NRXN1: variants seen among roughly 807,000 people sequenced by gnomAD.
The protein encoded by NRXN1 is neurexin 1.
In NRXN1, 39 loss-of-function variants were observed where a neutral mutation model predicts 150.9. The observed-to-expected ratio is 0.26, with a 90% CI of 0.20 to 0.34. The LOEUF (loss-of-function observed/expected upper bound fraction) is 0.34. Ranked by LOEUF, NRXN1 falls within the 10% of genes least tolerant of loss-of-function variation. NRXN1 has a pLI of 1.00. For synonymous variants in NRXN1, 924 were observed against 757.0 expected, an observed-to-expected ratio of 1.22 and a Z score of -3.62; for missense variants, 1,815 against 1,949.9, an observed-to-expected ratio of 0.93 and a Z score of 1.30.
chr2:50,850,339 G>T (rs1464547844), intron 5 of NRXN1, among the ~76,000 whole-genome samples: 1 of 152,066 alleles, frequency 6.6e-6, no homozygotes, highest in Admixed American at 6.6e-5. Context: ...GTGCTGAGTG[G>T]CTAGGAAACA....
At chr2:50,977,193 A>G (rs1695979995) in intron 2 of NRXN1, among the ~76,000 whole-genome samples, 1 of 152,014 alleles carries the variant, frequency 6.6e-6, no homozygotes, top group African/African-American at 2.4e-5. Context: ...AAGGAAAGAG[A>G]AAGAAAATTT....
chr2:50,869,653 T>A lies in NRXN1; in HGVS notation c.832+52216A>T, dbSNP rs146398922. Among the ~76,000 whole-genome samples the A allele has an allele frequency of 2.2e-3, 329 of 151,588 alleles. 3 individuals are homozygous for A. Among genetic ancestry groups the A allele is most frequent in the African/African-American group, 7.6e-3 (315 of 41,446 alleles). Reference sequence around the variant, plus strand: ...CTACTGATGACACACAGCCTAGAGGTTCTATATTAATGAAAATTAACTTTA... The same window carrying A: ...CTACTGATGACACACAGCCTAGAGGATCTATATTAATGAAAATTAACTTTA... On this transcript the variant is annotated intron_variant, in intron 5 of 22. Transcript: ENST00000401669.
At chr2:50,429,371 C>G (rs2084763414) in intron 17 of NRXN1, among the ~76,000 whole-genome samples, 1 of 152,138 alleles carries the variant, frequency 6.6e-6, no homozygotes, top group Non-Finnish European at 1.5e-5. Flanking sequence ...ATTCTTGTGC[C>G]TCAGCCTCCC....
intron 5 of NRXN1, among the ~76,000 whole-genome samples, chr2:50,638,387 G>A (rs1683545572): frequency 6.6e-6 from 1 of 152,020 alleles, no homozygotes; most frequent in Non-Finnish European, 1.5e-5. Context: ...TATTCTCCAT[G>A]AAAATAATTC....
chr2:50,582,624 C>A (rs1363667703), intron 8 of NRXN1, among the ~76,000 whole-genome samples: 1 of 150,634 alleles, frequency 6.6e-6, no homozygotes, highest in Non-Finnish European at 1.5e-5. Flanking sequence ...ACATAGGCTA[C>A]GTAGCATCTC....
intron 21 of NRXN1, among the ~76,000 whole-genome samples, chr2:50,000,319 C>T (rs1230120986): frequency 6.6e-6 from 1 of 152,138 alleles, no homozygotes; most frequent in African/African-American, 2.4e-5. Flanking sequence ...TTCCATTAAA[C>T]ATTTGTGTAA....
intron 17 of NRXN1, among the ~76,000 whole-genome samples, chr2:50,278,255 T>TTA (rs1553368390): frequency 8.9e-6 from 1 of 112,572 alleles, no homozygotes; most frequent in African/African-American, 3.6e-5. Context: ...TATATATATA[T>TTA]TATATATATT....
At chr2:50,990,870 C>G (rs1028720594) in intron 2 of NRXN1, among the ~76,000 whole-genome samples, 2 of 151,914 alleles carry the variant, frequency 1.3e-5, no homozygotes, top group African/African-American at 4.8e-5. Flanking sequence ...CAAATCTTAG[C>G]CTTCCTCTCT....
intron 21 of NRXN1, among the ~76,000 whole-genome samples, chr2:50,024,927 T>A (rs1376469022): frequency 6.6e-6 from 1 of 152,130 alleles, no homozygotes; most frequent in Non-Finnish European, 1.5e-5. Context: ...CCAGAGTAAT[T>A]CTTTAGGTTA....
intron 17 of NRXN1, among the ~76,000 whole-genome samples, chr2:50,387,657 A>G (rs2081413790): frequency 6.6e-6 from 1 of 152,194 alleles, no homozygotes; most frequent in African/African-American, 2.4e-5. Flanking sequence ...TTACAGGAAC[A>G]GTATGAAGAA....
At chr2:50,619,650 C>A in intron 8 of NRXN1, 2 of 356,694 alleles carry the variant, frequency 5.6e-6, no homozygotes, top group East Asian at 4.1e-5. Flanking sequence ...TCTTTTAATA[C>A]TCAAAAAAGT....
intron 5 of NRXN1, among the ~76,000 whole-genome samples, chr2:50,756,807 C>T (rs1701201020): frequency 6.6e-6 from 1 of 151,652 alleles, no homozygotes; most frequent in East Asian, 1.9e-4. Flanking sequence ...CAAGATTTAC[C>T]AAAGTTGAAA....
At chr2:50,731,308 A>T (rs1698072379) in intron 5 of NRXN1, among the ~76,000 whole-genome samples, 1 of 152,236 alleles carries the variant, frequency 6.6e-6, no homozygotes, top group African/African-American at 2.4e-5. Flanking sequence ...CTGATTTACT[A>T]TAAAAACTAA....
intron 5 of NRXN1, among the ~76,000 whole-genome samples, chr2:50,635,180 T>TA (rs1250616626): frequency 6.6e-6 from 1 of 150,742 alleles, no homozygotes; most frequent in East Asian, 1.9e-4. Context: ...TTTTTTTTGA[T>TA]AGAGTCTCGC....
intron 17 of NRXN1, among the ~76,000 whole-genome samples, chr2:50,332,623 T>A (rs2076908373): frequency 6.6e-6 from 1 of 152,226 alleles, no homozygotes; most frequent in Non-Finnish European, 1.5e-5. Flanking sequence ...TAAATTTGTT[T>A]GTCATTCTTG....
intron 18 of NRXN1, among the ~76,000 whole-genome samples, chr2:50,136,749 AT>A (rs1472202026): frequency 6.6e-6 from 1 of 152,202 alleles, no homozygotes; most frequent in Non-Finnish European, 1.5e-5. Context: ...ACTAACCAAA[AT>A]CCATTATCTA....
chr2:50,952,600 T>C (rs1391761818), intron 2 of NRXN1, among the ~76,000 whole-genome samples: 2 of 152,176 alleles, frequency 1.3e-5, no homozygotes, highest in Non-Finnish European at 2.9e-5. Context: ...GTTCTTATTT[T>C]CAAAGTGGAA....
chr2:50,396,699 C>CA (rs2082073000), intron 17 of NRXN1, among the ~76,000 whole-genome samples: 1 of 152,120 alleles, frequency 6.6e-6, no homozygotes, highest in Admixed American at 6.6e-5. Context: ...TAAAGGGACT[C>CA]ACGCACTCTC....
intron 5 of NRXN1, among the ~76,000 whole-genome samples, chr2:50,796,050 C>T (rs1706785158): frequency 6.6e-6 from 1 of 152,088 alleles, no homozygotes; most frequent in South Asian, 2.1e-4. Flanking sequence ...AATCACAATG[C>T]TGCTTTAGTT....
Sources: gnomAD v4.1 joint callset for allele counts (sites outside exome capture counted in the v4.1 genomes callset) on GRCh38, gnomAD v4.1.1 for gene constraint, MANE v1.5 for transcripts, NCBI Gene and HGNC (gene_info 2026-07-23, HGNC 2026-07-21) for gene names.